HEATR5A: variants seen among roughly 807,000 people sequenced by gnomAD.
HEATR5A encodes the protein HEAT repeat-containing protein 5A.
Under a neutral mutation model 218.8 loss-of-function variants are expected in HEATR5A, and 178 were observed. The observed-to-expected ratio is 0.81, with a 90% confidence interval of 0.72 to 0.92. HEATR5A has a LOEUF of 0.92. HEATR5A is among the 40% of genes least tolerant of loss of function. The pLI is 0.00. For missense variants in HEATR5A, 2,420 were observed against 2,418.9 expected (o/e 1.00, Z -0.01); for synonymous variants, 864 against 871.6 (o/e 0.99, Z 0.15).
At chr14:31,378,813 A>C (rs957953641) in intron 11 of HEATR5A, among the ~76,000 whole-genome samples, 6 of 151,066 alleles carry the variant, frequency 4.0e-5, no homozygotes, top group East Asian at 1.9e-4. Context: ...AAAAAAAAAA[A>C]CACTACTTAA....
intron 6 of HEATR5A, 134 bp from the exon 7 acceptor site, chr14:31,389,139 A>G: frequency 1.3e-6 from 1 of 758,596 alleles, no homozygotes; most frequent in Non-Finnish European, 2.1e-6. Context: ...TTTACAGAAC[A>G]GTCTACACAG....
At chr14:31,325,453 G>A (rs936191630) in intron 23 of HEATR5A, among the ~76,000 whole-genome samples, 6 of 152,014 alleles carry the variant, frequency 3.9e-5, no homozygotes, top group South Asian at 2.1e-4. Context: ...AATTTCATAC[G>A]GTGCGAGGGG....
chr14:31,322,468 C>G (rs1009361053), intron 24 of HEATR5A, among the ~76,000 whole-genome samples: 1 of 152,142 alleles, frequency 6.6e-6, no homozygotes, highest in African/African-American at 2.4e-5. Flanking sequence ...CTGGCAACAG[C>G]AACATTTTGC....
intron 5 of HEATR5A, 81 bp downstream of exon 5, chr14:31,395,118 C>T (rs1222975165): frequency 1.1e-6 from 1 of 919,386 alleles, no homozygotes; most frequent in Middle Eastern, 2.3e-4. Context: ...GATCATGTAG[C>T]TTTTACTAAT....
rs561114161 is a variant in HEATR5A, at chr14:31,304,963, T to C, written c.5181A>G (p.Arg1727=). Residue 1727 remains arginine, a synonymous_variant, in exon 32 of 36, where the codon AGA becomes AGG. Coordinates refer to ENST00000543095, the MANE Select transcript of HEATR5A (RefSeq NM_015473.4). ...KPQILLEDGS[R]LVSAALVILS... is the part of the protein sequence containing the mutation. ...GGATAACCAATGCAGCTGAAACCAA[T>C]CTACTTCCATCTTCTAATAGTATCT... The C allele has an allele frequency of 6.2e-7, 1 of 1,613,988 alleles. No individual in the cohort carries two copies. Among genetic ancestry groups the C allele is most frequent in the South Asian group, 1.1e-5 (1 of 91,090 alleles).
Position 31,304,946 on chromosome 14 carries a change from A to T in HEATR5A, c.5198T>A (p.Leu1733Ter). The T allele has an allele frequency of 6.2e-7, 1 of 1,613,984 alleles. No individual in the cohort carries two copies. Among genetic ancestry groups the T allele is most frequent in the Non-Finnish European group, 8.5e-7 (1 of 1,179,866 alleles). The change falls in exon 32 of 36, where the codon TTG becomes TAG. Residue 1733 changes from leucine (L) to a stop codon, truncating the protein, a stop_gained. Transcript: ENST00000543095. LOFTEE classifies it high-confidence loss of function. ...TGCAGGAAGTTCGGAAAGGATAACC[A>T]ATGCAGCTGAAACCAATCTACTTCC... is the stretch of plus-strand genomic sequence containing the variant. The part of the protein sequence containing the change: ...EDGSRLVSAA[L>*]VILSELPAVC...
chr14:31,302,410 T>A lies in HEATR5A; in HGVS notation c.5349A>T (p.Leu1783=), dbSNP rs781628374. Residue 1783 remains leucine, a synonymous_variant, in exon 33 of 36, where the codon CTA becomes CTT. Coordinates refer to ENST00000543095, the MANE Select transcript of HEATR5A (RefSeq NM_015473.4). ...GQLSSTVAAS[L]QALKGILSSP... is the part of the protein sequence containing the mutation. Reference sequence around the variant, plus strand: ...AAGATAATATTCCTTTTAGAGCCTGTAGGGAAGCTGCAACTGTCGAAGATA... The same window carrying A: ...AAGATAATATTCCTTTTAGAGCCTGAAGGGAAGCTGCAACTGTCGAAGATA... 6.2e-7 allele frequency: 1 copy of A among 1,600,424 alleles called. No homozygotes were observed. Among genetic ancestry groups the A allele is most frequent in the South Asian group, 1.1e-5 (1 of 88,434 alleles).
intron 9 of HEATR5A, among the ~76,000 whole-genome samples, chr14:31,384,327 C>G (rs2030116331): frequency 6.6e-6 from 1 of 151,744 alleles, no homozygotes; most frequent in African/African-American, 2.4e-5. Context: ...GCCTGCTGTC[C>G]CAGCTACTAG....
At chr14:31,413,067 C>T (rs1053030845) in intron 1 of HEATR5A, among the ~76,000 whole-genome samples, 1 of 152,096 alleles carries the variant, frequency 6.6e-6, no homozygotes, top group African/African-American at 2.4e-5. Context: ...ACCCCAGGCA[C>T]GGCACTAATA....
At chr14:31,373,636 ATTACTT>A (rs1902119658) in intron 12 of HEATR5A, among the ~76,000 whole-genome samples, 1 of 152,104 alleles carries the variant, frequency 6.6e-6, no homozygotes, top group South Asian at 2.1e-4. Flanking sequence ...TGGCTGAAAC[ATTACTT>A]TTAACAGTCT....
chr14:31,407,580 TTATTTATATATATATATATATATATA>T lies in HEATR5A; in HGVS notation c.-74-4557_-74-4532del, dbSNP rs1175451113. Among the ~76,000 whole-genome samples, 66 of 149,302 alleles carry T rather than the reference TTATTTATATATATATATATATATATA, an allele frequency of 4.4e-4. 1 individual carries two copies. Among genetic ancestry groups the T allele is most frequent in the African/African-American group, 1.6e-3 (62 of 39,826 alleles). ...CATGTACCTGTTATCATCACTTATT[TTATTTATATATATATATATATATATA>T]TATATATATATATATATATATATAT... On this transcript the variant is annotated intron_variant, in intron 1 of 35. Coordinates refer to ENST00000543095, the MANE Select transcript of HEATR5A (RefSeq NM_015473.4).
chr14:31,334,718 G>A (rs889324967), intron 22 of HEATR5A, among the ~76,000 whole-genome samples: 1 of 152,144 alleles, frequency 6.6e-6, no homozygotes, highest in East Asian at 1.9e-4. Flanking sequence ...AGGCCGAGGC[G>A]AGTGGATCAC....
At chr14:31,391,985 T>C (rs1049941909) in intron 6 of HEATR5A, among the ~76,000 whole-genome samples, 2 of 152,244 alleles carry the variant, frequency 1.3e-5, no homozygotes, top group Non-Finnish European at 2.9e-5. Flanking sequence ...GTCCCTATTA[T>C]TAAGCTATGC....
At chr14:31,320,415 AC>A in intron 25 of HEATR5A, 1 of 1,183,354 alleles carries the variant, frequency 8.5e-7, no homozygotes. Flanking sequence ...ACTGTGGCTG[AC>A]CCAGCACCAA....
Position 31,331,509 on chromosome 14 carries a change from C to G in HEATR5A, c.3368-5167G>C, listed in dbSNP as rs190082318. Among the ~76,000 whole-genome samples the G allele has an allele frequency of 1.8e-4, 28 of 152,294 alleles. No homozygotes were observed. In the East Asian group the frequency reaches 3.5e-3, roughly 19 times the overall value. On this transcript the variant is annotated intron_variant, in intron 22 of 35. Coordinates refer to ENST00000543095, the MANE Select transcript of HEATR5A (RefSeq NM_015473.4). ...AGACTTTGCCACATCTTCCTGTCTT[C>G]TTCTGAGCCCTCCAAACCATTCCAA...
chr14:31,418,043 A>G (rs968948988), intron 1 of HEATR5A, among the ~76,000 whole-genome samples: 2 of 151,908 alleles, frequency 1.3e-5, no homozygotes, highest in Non-Finnish European at 2.9e-5. Context: ...TCCCGTCTCT[A>G]CTAAAAATAC....
At chr14:31,296,828 G>C (rs1374083092) in intron 33 of HEATR5A, 1 of 152,156 alleles carries the variant, frequency 6.6e-6, no homozygotes. Flanking sequence ...TGATACTTAT[G>C]AAGAAATGAC....
At chr14:31,359,605 T>C (rs1309881107) in intron 14 of HEATR5A, among the ~76,000 whole-genome samples, 4 of 151,122 alleles carry the variant, frequency 2.6e-5, no homozygotes, top group Non-Finnish European at 4.4e-5. Context: ...CAGGTGCCTG[T>C]AACCCCAGCT....
In HEATR5A at chr14:31,309,057, C is replaced by T. The variant is rs780401195; in HGVS notation, c.4567G>A (p.Asp1523Asn). The T allele has an allele frequency of 1.2e-6, 2 of 1,613,988 alleles. No homozygotes were observed. The highest frequency in any genetic ancestry group is 1.7e-6 in the Non-Finnish European group (2 of 1,179,892). The change falls in exon 29 of 36, where the codon GAT becomes AAT. Residue 1523 changes from aspartate to asparagine, a missense_variant. Coordinates refer to ENST00000543095, the MANE Select transcript of HEATR5A (RefSeq NM_015473.4). ...TSTGFVVADP[D>N]EGASNLSRPV... is the part of the protein sequence containing the mutation. Reference sequence around the variant, plus strand: ...CTGGAGAGATTAGATGCTCCTTCATCTGGGTCAGCAACAACAAAACCCGTG... The same window carrying T: ...CTGGAGAGATTAGATGCTCCTTCATTTGGGTCAGCAACAACAAAACCCGTG...
Sources: gnomAD v4.1 joint callset for allele counts (sites outside exome capture counted in the v4.1 genomes callset) on GRCh38, gnomAD v4.1.1 for gene constraint, MANE v1.5 for transcripts, NCBI Gene and HGNC (gene_info 2026-07-23, HGNC 2026-07-21) for gene names.